The following EZR variants were observed in gnomAD, a reference collection of about 807,000 sequenced individuals.
The protein encoded by EZR is ezrin, also known as cytovillin 2.
In EZR, 40 loss-of-function variants were observed where a neutral mutation model predicts 74.8. The observed-to-expected ratio is 0.53, with a 90% CI of 0.42 to 0.70. The LOEUF is 0.70. Among genes scored for constraint, EZR ranks in the 30% least tolerant of loss-of-function variants. The probability of loss-of-function intolerance (pLI) is 0.00; values close to 1 mark genes in which losing one functional copy is unlikely to be tolerated. For missense variants in EZR, 678 were observed against 755.8 expected, an observed-to-expected ratio of 0.90 and a Z score of 1.21; for synonymous variants, 341 against 283.3, an observed-to-expected ratio of 1.20 and a Z score of -2.05.
intron 3 of EZR, chr6:158,788,545 G>A (rs1791643903): frequency 6.6e-6 from 1 of 152,050 alleles, no homozygotes; most frequent in Admixed American, 6.6e-5. Context: ...TATTCGGGGA[G>A]CTGATGCAGG....
At chr6:158,799,934 G>C (rs1473896530) in intron 2 of EZR, among the ~76,000 whole-genome samples, 1 of 152,160 alleles carries the variant, frequency 6.6e-6, no homozygotes, top group Non-Finnish European at 1.5e-5. Context: ...GAACAATGCT[G>C]CTCCCAGTAA....
chr6:158,779,294 CA>C (rs918829419), intron 7 of EZR, among the ~76,000 whole-genome samples: 1 of 151,912 alleles, frequency 6.6e-6, no homozygotes, highest in African/African-American at 2.4e-5. Flanking sequence ...AAGGTCATGA[CA>C]AAAAAAGACT....
chr6:158,803,566 T>C (rs12195909), intron 2 of EZR, among the ~76,000 whole-genome samples: 34 of 5,184 alleles, frequency 6.6e-3, no homozygotes, highest in African/African-American at 0.014. Context: ...TATATATATA[T>C]ATATATATAT....
Position 158,787,166 on chromosome 6 carries a change from A to G in EZR, c.134T>C (p.Phe45Ser). 6.2e-7 allele frequency: 1 copy of G among 1,613,464 alleles called. No homozygotes were observed. The highest frequency in any genetic ancestry group is 8.5e-7 in the Non-Finnish European group (1 of 1,179,410). Residue 45 changes from phenylalanine to serine, a missense_variant, in exon 4 of 14, where the codon TTT becomes TCT. Around this residue, in one of 3 missense-constraint regions of EZR, gnomAD observed 217 missense variants for 232.2 expected, o/e 0.93. Transcript: ENST00000367075. ...KTIGLREVWY[F>S]GLHYVDNKGF... ...TTTATTATCCACATAGTGGAGGCCA[A>G]AGTACCACACTTCCCGGAGGCCGAT... is the stretch of plus-strand genomic sequence containing the variant.
At chr6:158,769,050 A>T (rs1388439411) in intron 12 of EZR, among the ~76,000 whole-genome samples, 1 of 152,242 alleles carries the variant, frequency 6.6e-6, no homozygotes, top group African/African-American at 2.4e-5. Flanking sequence ...TGGAGGGAGC[A>T]AAGTGGGTGA....
intron 2 of EZR, among the ~76,000 whole-genome samples, chr6:158,807,992 T>C (rs565752542): frequency 6.6e-6 from 1 of 152,234 alleles, no homozygotes; most frequent in South Asian, 2.1e-4. Context: ...CAGGTGATAA[T>C]CCTTTAAAAG....
chr6:158,789,238 A>T, intron 3 of EZR, 50 bp downstream of exon 3: 2 of 1,438,144 alleles, frequency 1.4e-6, no homozygotes, highest in Non-Finnish European at 1.9e-6. Context: ...AAATGTTGCA[A>T]AACAGTTTTT....
At chr6:158,767,187 T>A in intron 13 of EZR, 74 bp downstream of exon 13, 1 of 1,581,718 alleles carries the variant, frequency 6.3e-7, no homozygotes, top group South Asian at 1.2e-5. Context: ...CTGGCTCACA[T>A]CACTGCCCTC....
chr6:158,792,179 G>T (rs189795322), intron 2 of EZR, among the ~76,000 whole-genome samples: 1 of 152,222 alleles, frequency 6.6e-6, no homozygotes, highest in East Asian at 1.9e-4. Context: ...TTTCATATCT[G>T]ACTGAAAGTT....
At position 158,789,269 on chromosome 6, in the gene EZR, C is replaced by G; in HGVS notation, c.96+19G>C. On this transcript the variant is annotated intron_variant, in intron 3 of 13. Coordinates refer to ENST00000367075, the MANE Select transcript of EZR (RefSeq NM_001111077.2). The stretch of plus-strand genomic sequence containing the variant: ...TTTTTTTTTGTAGGTGGAGTTAACT[C>G]TCAAGTTCAGAGACCAACCTGATCA... The G allele has an allele frequency of 6.2e-7, 1 of 1,603,938 alleles. No individual in the cohort carries two copies. Among genetic ancestry groups the G allele is most frequent in the Non-Finnish European group, 8.5e-7 (1 of 1,172,716 alleles).
intron 7 of EZR, among the ~76,000 whole-genome samples, chr6:158,781,378 TGA>T (rs890992920): frequency 1.4e-4 from 21 of 152,120 alleles, no homozygotes; most frequent in African/African-American, 4.6e-4. Flanking sequence ...AAGAACCATC[TGA>T]GAGAGTTGCC....
intron 2 of EZR, among the ~76,000 whole-genome samples, chr6:158,814,011 A>T (rs908885454): frequency 2.6e-5 from 4 of 152,136 alleles, no homozygotes; most frequent in Non-Finnish European, 4.4e-5. Context: ...CCCTAACATG[A>T]AGGGGCGGGC....
At chr6:158,782,460 GGA>G (rs1478356048) in intron 7 of EZR, among the ~76,000 whole-genome samples, 1 of 152,194 alleles carries the variant, frequency 6.6e-6, no homozygotes, top group Non-Finnish European at 1.5e-5. Flanking sequence ...TGGGAAATGG[GGA>G]GAGCTGTCAT....
intron 2 of EZR, among the ~76,000 whole-genome samples, chr6:158,802,820 G>A (rs529227020): frequency 3.3e-5 from 5 of 152,160 alleles, no homozygotes; most frequent in African/African-American, 4.8e-5. Context: ...GTGAGCCACC[G>A]CGCCCGGCCA....
intron 10 of EZR, 140 bp from the exon 11 acceptor site, chr6:158,770,084 G>A (rs1017349431): frequency 2.0e-5 from 23 of 1,141,534 alleles, no homozygotes; most frequent in African/African-American, 3.1e-5. Context: ...GACCCTGGAG[G>A]AAAGCACTTC....
At chr6:158,787,860 C>T (rs1010792416) in intron 3 of EZR, among the ~76,000 whole-genome samples, 1 of 152,192 alleles carries the variant, frequency 6.6e-6, no homozygotes, top group Admixed American at 6.5e-5. Flanking sequence ...AGAATCCCGA[C>T]CCTAGGTCAC....
intron 3 of EZR, among the ~76,000 whole-genome samples, chr6:158,788,960 A>G (rs1791657849): frequency 6.6e-6 from 1 of 152,170 alleles, no homozygotes; most frequent in African/African-American, 2.4e-5. Flanking sequence ...TGAGAGACAC[A>G]CAGGCCAGCA....
chr6:158,807,334 A>C (rs1777364371), intron 2 of EZR, among the ~76,000 whole-genome samples: 2 of 150,350 alleles, frequency 1.3e-5, no homozygotes, highest in South Asian at 4.2e-4. Flanking sequence ...AAAAAAAAAC[A>C]AACAAAAAAG....
At chr6:158,773,491 T>C (rs1442576240) in intron 8 of EZR, among the ~76,000 whole-genome samples, 1 of 152,212 alleles carries the variant, frequency 6.6e-6, no homozygotes, top group African/African-American at 2.4e-5. Flanking sequence ...CGACAAGACC[T>C]GGAGCAGGGT....
Sources: allele counts gnomAD v4.1 joint callset (sites outside exome capture counted in the v4.1 genomes callset), GRCh38; gene constraint gnomAD v4.1.1; regional missense constraint gnomAD v4.1.1; transcripts MANE v1.5; gene names NCBI Gene and HGNC (gene_info 2026-07-23, HGNC 2026-07-21).